The following TUBB8B variants were observed in gnomAD, a reference collection of about 807,000 sequenced individuals.
TUBB8B encodes the protein HSA18p11 beta-tubulin 4Q pseudogene.
In TUBB8B, 26 loss-of-function variants were observed where a neutral mutation model predicts 31.9. The ratio of observed to expected loss-of-function variants is 0.81; its 90% confidence interval spans 0.60 to 1.13. The LOEUF (loss-of-function observed/expected upper bound fraction) is 1.13. Ranked by LOEUF, TUBB8B falls within the 50% of genes most tolerant of loss-of-function variation. The pLI, the probability that TUBB8B is intolerant of heterozygous loss-of-function variation, is 0.00. For missense variants in TUBB8B, 467 were observed against 586.7 expected, an observed-to-expected ratio of 0.80 and a Z score of 2.11; for synonymous variants, 173 against 231.0, an observed-to-expected ratio of 0.75 and a Z score of 2.28.
chr18:57,206 C>T, the TUBB8B span, among the ~76,000 whole-genome samples: 1 of 151,816 alleles, frequency 6.6e-6, no homozygotes, highest in Non-Finnish European at 1.5e-5. Context: ...TCCCCAAAGT[C>T]TTCACTCATT....
At chr18:57,572 G>T in the TUBB8B span, among the ~76,000 whole-genome samples, 1 of 151,832 alleles carries the variant, frequency 6.6e-6, no homozygotes, top group African/African-American at 2.4e-5. Context: ...CGTGCCACTG[G>T]CTGGTTTTGT....
chr18:64,499 C>T, the TUBB8B span, among the ~76,000 whole-genome samples: 9 of 151,620 alleles, frequency 5.9e-5, no homozygotes, highest in South Asian at 4.2e-4. Flanking sequence ...CAGAAGTGAG[C>T]GATCACTTGA....
At chr18:66,791 T>G in the TUBB8B span, among the ~76,000 whole-genome samples, 1 of 152,094 alleles carries the variant, frequency 6.6e-6, no homozygotes, top group Non-Finnish European at 1.5e-5. Context: ...GATCAGCCTG[T>G]TGATTTCTGC....
At chr18:54,756 A>C in the TUBB8B span, among the ~76,000 whole-genome samples, 1 of 151,934 alleles carries the variant, frequency 6.6e-6, no homozygotes, top group Admixed American at 6.6e-5. Context: ...TATATGTACC[A>C]CATTTTCTCT....
rs762758295 is a variant in TUBB8B at position 47,901 on chromosome 18, C to A, written c.824G>T (p.Ser275Ile). ...FFMPGFAPLT[S>I]RGSQQYRALT... is the part of the protein sequence containing the mutation. The stretch of plus-strand genomic sequence containing the variant: ...GGCCCGGTACTGCTGGCTGCCCCGG[C>A]TGGTCAGTGGGGCAAAGCCGGGCAT... The change falls in exon 4 of 4, where the codon AGC becomes ATC. Residue 275 changes from serine (S) to isoleucine (I), a missense_variant. Transcript: ENST00000308911. 1 of 1,611,260 alleles carries A rather than the reference C, an allele frequency of 6.2e-7. No individual in the cohort carries two copies. Among genetic ancestry groups the A allele is most frequent in the Middle Eastern group, 2.0e-4 (1 of 4,928 alleles).
the TUBB8B span, among the ~76,000 whole-genome samples, chr18:56,655 A>G: frequency 8.6e-5 from 13 of 151,906 alleles, no homozygotes; most frequent in Non-Finnish European, 1.9e-4. Context: ...ACTGATTTGT[A>G]TATGTTAATT....
the TUBB8B span, among the ~76,000 whole-genome samples, chr18:67,987 C>T: frequency 2.6e-5 from 4 of 152,144 alleles, no homozygotes; most frequent in South Asian, 6.2e-4. Flanking sequence ...TATGACACCC[C>T]TAAGACTCAC....
upstream of TUBB8B, chr18:50,489 T>C: frequency 6.5e-6 from 1 of 153,172 alleles, no homozygotes; most frequent in Non-Finnish European, 1.5e-5. Flanking sequence ...GTTTGGGTCA[T>C]GTCAGGCACA....
chr18:56,998 T>C, the TUBB8B span, among the ~76,000 whole-genome samples: 1 of 151,836 alleles, frequency 6.6e-6, no homozygotes, highest in Admixed American at 6.6e-5. Flanking sequence ...CCAAAGGAAA[T>C]GATGCCAAAC....
At chr18:67,542 A>T in the TUBB8B span, among the ~76,000 whole-genome samples, 1 of 152,174 alleles carries the variant, frequency 6.6e-6, no homozygotes, top group Non-Finnish European at 1.5e-5. Flanking sequence ...GTGTCTGGCT[A>T]TGGTGCCCAG....
the TUBB8B span, among the ~76,000 whole-genome samples, chr18:72,238 G>A: frequency 1.4e-5 from 2 of 147,710 alleles, no homozygotes; most frequent in African/African-American, 4.9e-5. Flanking sequence ...GGGCCATACG[G>A]GTTTACAGCT....
At chr18:57,873 A>G in the TUBB8B span, among the ~76,000 whole-genome samples, 29 of 152,110 alleles carry the variant, frequency 1.9e-4, 1 homozygote, top group Admixed American at 5.2e-4. Context: ...GTACACTCAC[A>G]GGCCTAACAC....
chr18:54,657 C>T, the TUBB8B span, among the ~76,000 whole-genome samples: 1 of 151,958 alleles, frequency 6.6e-6, no homozygotes, highest in Non-Finnish European at 1.5e-5. Flanking sequence ...TGACTTATTT[C>T]ACTTAACATA....
the TUBB8B span, among the ~76,000 whole-genome samples, chr18:66,989 T>G: frequency 1.4e-5 from 2 of 138,962 alleles, no homozygotes; most frequent in African/African-American, 6.1e-5. Context: ...ATTTTCTTGT[T>G]TTTTTTGTTT....
At chr18:63,669 G>GCCTTAA in the TUBB8B span, among the ~76,000 whole-genome samples, 2 of 143,960 alleles carry the variant, frequency 1.4e-5, no homozygotes, top group Non-Finnish European at 3.0e-5. Context: ...CCTAGCCTTA[G>GCCTTAA]CCCTAACCCT....
chr18:72,488 C>T, the TUBB8B span, among the ~76,000 whole-genome samples: 31 of 152,254 alleles, frequency 2.0e-4, no homozygotes, highest in African/African-American at 5.5e-4. Flanking sequence ...CTGTTGTTGA[C>T]GAGTTCACTT....
the TUBB8B span, among the ~76,000 whole-genome samples, chr18:69,782 T>C: frequency 2.3e-4 from 35 of 152,346 alleles, no homozygotes; most frequent in South Asian, 7.1e-3. Context: ...TAAAATATTA[T>C]TGATGGAAAC....
chr18:63,635 C>G, the TUBB8B span, among the ~76,000 whole-genome samples: 20 of 151,734 alleles, frequency 1.3e-4, no homozygotes, highest in African/African-American at 4.6e-4. Context: ...AGCCCTAACC[C>G]TAACCCCAAA....
the TUBB8B span, among the ~76,000 whole-genome samples, chr18:55,546 G>C: frequency 6.6e-6 from 1 of 151,764 alleles, no homozygotes; most frequent in South Asian, 2.1e-4. Context: ...GTGAAGCAAA[G>C]GGGGAAGAGC....
Sources: allele counts gnomAD v4.1 joint callset (sites outside exome capture counted in the v4.1 genomes callset), GRCh38; gene constraint gnomAD v4.1.1; transcripts MANE v1.5; gene names NCBI Gene and HGNC (gene_info 2026-07-23, HGNC 2026-07-21).